The following PTTG1 variants were observed in gnomAD, a reference collection of about 807,000 sequenced individuals.
PTTG1 encodes PTTG1 regulator of sister chromatid separation, securin, also known as securin.
Under a neutral mutation model 20.0 loss-of-function variants are expected in PTTG1, and 8 were observed. The observed-to-expected ratio is 0.40, with a 90% CI of 0.23 to 0.72. PTTG1 has a LOEUF of 0.72. Among genes scored for constraint, PTTG1 ranks in the 30% least tolerant of loss-of-function variants. The pLI is 0.38. For missense variants in PTTG1, 197 were observed against 236.0 expected (o/e 0.83, Z 1.08); for synonymous variants, 79 against 87.2 (o/e 0.91, Z 0.52).
At position 160,424,349 on chromosome 5, in the gene PTTG1, G is replaced by T; in HGVS notation, c.370+19G>T. ...CCTCTAGGTAGTATCTTTTGCAATTGCGAAAAGTGCTTTTGGCCTTTAGTT... is the reference window on the plus strand; with the variant it reads ...CCTCTAGGTAGTATCTTTTGCAATTTCGAAAAGTGCTTTTGGCCTTTAGTT... On this transcript the variant is annotated intron_variant, in intron 4 of 5. Transcript: ENST00000352433. 1 of 1,534,468 alleles carries T rather than the reference G, an allele frequency of 6.5e-7. No individual in the cohort carries two copies. The highest frequency in any genetic ancestry group is 9.0e-7 in the Non-Finnish European group (1 of 1,114,506).
At chr5:160,428,497 C>T in intron 5 of PTTG1, 105 bp from the exon 6 acceptor site, 2 of 1,033,308 alleles carry the variant, frequency 1.9e-6, no homozygotes, top group Non-Finnish European at 3.0e-6. Context: ...ATTGATTTGA[C>T]AAAGGGAAAA....
chr5:160,422,250 C>T (rs779494104), intron 1 of PTTG1, 52 bp from the exon 2 acceptor site: 38 of 1,353,602 alleles, frequency 2.8e-5, no homozygotes, highest in Non-Finnish European at 3.8e-5. Context: ...TGTTGCTATA[C>T]CTTTGCTTCT....
chr5:160,426,754 C>G (rs1013596443), intron 4 of PTTG1, among the ~76,000 whole-genome samples: 8 of 152,066 alleles, frequency 5.3e-5, no homozygotes, highest in African/African-American at 1.9e-4. Flanking sequence ...TCCAAAATTC[C>G]TTTTTTTGGC....
chr5:160,428,568 G>C lies in PTTG1; in HGVS notation c.530-34G>C, dbSNP rs1488238356. ...GATATGGACAATGACTCAAGGATTTGCAGAAATTTTAATAAGAGATTCCTG... is the reference window on the plus strand; with the variant it reads ...GATATGGACAATGACTCAAGGATTTCCAGAAATTTTAATAAGAGATTCCTG... On this transcript the variant is annotated intron_variant, in intron 5 of 5. Coordinates refer to ENST00000352433, the MANE Select transcript of PTTG1 (RefSeq NM_004219.4). The C allele has an allele frequency of 1.9e-6, 3 of 1,576,044 alleles. No homozygotes were observed. In the South Asian group the frequency reaches 3.3e-5, roughly 17 times the overall value.
chr5:160,427,931 C>A, intron 5 of PTTG1, 58 bp downstream of exon 5: 1 of 1,602,164 alleles, frequency 6.2e-7, no homozygotes, highest in Non-Finnish European at 8.5e-7. Flanking sequence ...ATAACACTTC[C>A]ATTACCATGG....
At chr5:160,422,660 A>G (rs1470914520) in intron 2 of PTTG1, 49 bp from the exon 3 acceptor site, 1 of 1,594,746 alleles carries the variant, frequency 6.3e-7, no homozygotes, top group Non-Finnish European at 8.6e-7. Context: ...TTTAAGTTGT[A>G]CAGGTATTTT....
chr5:160,427,621 T>G, intron 4 of PTTG1, 94 bp from the exon 5 acceptor site: 1 of 1,372,408 alleles, frequency 7.3e-7, no homozygotes, highest in Non-Finnish European at 1.0e-6. Context: ...AGTTTTGACC[T>G]CATGGACCCC....
rs1765745851 is a variant in PTTG1 at position 160,423,034 on chromosome 5, C to A, written c.276+141C>A. 12 of 817,126 alleles carry A rather than the reference C, an allele frequency of 1.5e-5. No individual in the cohort carries two copies. The East Asian group carries it at 3.2e-4, about 22-fold the overall frequency. The allele number at this position is 817,126 out of a possible 1,614,324, so 50.6% of individuals were successfully genotyped here. A position where few individuals can be genotyped will look rare whatever the true frequency, so the allele number is the denominator to read the frequency against. ...TTAGCAAGCAGAGTAGTGGAGGAGA[C>A]TCAGATTGTCCTTGTGGACTTCTTG... On this transcript the variant is annotated intron_variant, in intron 3 of 5. Transcript: ENST00000352433.
Position 160,422,408 on chromosome 5 carries a change from G to C in PTTG1, c.91+5G>C, listed in dbSNP as rs772653034. The C allele has an allele frequency of 5.0e-6, 8 of 1,609,362 alleles. No individual in the cohort carries two copies. Among genetic ancestry groups the C allele is most frequent in the South Asian group, 1.1e-5 (1 of 90,966 alleles). ...TGAAGCTGGGGTCTGGACCTTGTAAGTATACAAGGCTGCAGTCGGATACAC... is the reference window on the plus strand; with the variant it reads ...TGAAGCTGGGGTCTGGACCTTGTAACTATACAAGGCTGCAGTCGGATACAC... On this transcript the variant is annotated splice_donor_5th_base_variant and intron_variant, in intron 2 of 5. Coordinates refer to ENST00000352433, the MANE Select transcript of PTTG1 (RefSeq NM_004219.4).
rs1312930651 is a variant in PTTG1 at position 160,422,291 on chromosome 5, C to G, written c.-11-11C>G. ...CTTCCCCAATATCTAATATGTATTTCTCATTCTTAGAATAATCCAGAATGG... is the reference window on the plus strand; with the variant it reads ...CTTCCCCAATATCTAATATGTATTTGTCATTCTTAGAATAATCCAGAATGG... On this transcript the variant is annotated splice_polypyrimidine_tract_variant and intron_variant, in intron 1 of 5. Coordinates refer to ENST00000352433, the MANE Select transcript of PTTG1 (RefSeq NM_004219.4). 1.3e-6 allele frequency: 2 copies of G among 1,587,744 alleles called. No homozygotes were observed. Among genetic ancestry groups the G allele is most frequent in the Admixed American group, 1.7e-5 (1 of 59,992 alleles).
chr5:160,428,740 T>A, downstream of PTTG1: 1 of 1,476,244 alleles, frequency 6.8e-7, no homozygotes, highest in Non-Finnish European at 9.4e-7. Flanking sequence ...CTTTAACAGA[T>A]TCTTCCTAGT....
intron 4 of PTTG1, among the ~76,000 whole-genome samples, chr5:160,425,269 A>G (rs1278043228): frequency 6.6e-6 from 1 of 152,202 alleles, no homozygotes; most frequent in Non-Finnish European, 1.5e-5. Context: ...CTGGAGGGAA[A>G]CTTTGAGAAG....
At chr5:160,427,950 G>T in intron 5 of PTTG1, 77 bp downstream of exon 5, 1 of 1,543,442 alleles carries the variant, frequency 6.5e-7, no homozygotes, top group South Asian at 1.2e-5. Flanking sequence ...GGGAAGAGTT[G>T]TGCGGGAGGT....
chr5:160,422,830 A>G lies in PTTG1; in HGVS notation c.213A>G (p.Thr71=). Residue 71 remains threonine, a synonymous_variant, in exon 3 of 6, where the codon ACA becomes ACG. Transcript: ENST00000352433. The part of the protein sequence containing the change: ...RKALGTVNRA[T]EKSVKTKGPL... ...CTTTGGGAACTGTCAACAGAGCTAC[A>G]GAAAAGTCTGTAAAGACCAAGGGAC... is the stretch of plus-strand genomic sequence containing the variant. The G allele has an allele frequency of 6.2e-7, 1 of 1,614,240 alleles. No homozygotes were observed. The highest frequency in any genetic ancestry group is 1.1e-5 in the South Asian group (1 of 91,088).
At chr5:160,423,640 A>G (rs932866174) in intron 3 of PTTG1, among the ~76,000 whole-genome samples, 2 of 152,238 alleles carry the variant, frequency 1.3e-5, no homozygotes, top group African/African-American at 2.4e-5. Flanking sequence ...AGAACCCCAT[A>G]GGGAATTCTA....
At chr5:160,425,810 G>C (rs929691960) in intron 4 of PTTG1, among the ~76,000 whole-genome samples, 1 of 152,020 alleles carries the variant, frequency 6.6e-6, no homozygotes, top group African/African-American at 2.4e-5. Flanking sequence ...TTGACTTCTG[G>C]GTTTTACCAG....
Position 160,428,733 on chromosome 5 carries a change from T to G in PTTG1, c.*52T>G. Reference sequence around the variant, plus strand: ...GTATTTGTATTAATAAAGCATTCTTTAACAGATTCTTCCTAGTATTGTGGT... The same window carrying G: ...GTATTTGTATTAATAAAGCATTCTTGAACAGATTCTTCCTAGTATTGTGGT... On this transcript the variant is annotated 3_prime_UTR_variant, in exon 6 of 6. Coordinates refer to ENST00000352433, the MANE Select transcript of PTTG1 (RefSeq NM_004219.4). 3 of 1,502,666 alleles carry G rather than the reference T, an allele frequency of 2.0e-6. No individual in the cohort carries two copies. The highest frequency in any genetic ancestry group is 2.8e-6 in the Non-Finnish European group (3 of 1,081,588). The allele number at this position is 1,502,666 out of a possible 1,614,324, so 93.1% of individuals were successfully genotyped here. A position where few individuals can be genotyped will look rare whatever the true frequency, so the allele number is the denominator to read the frequency against.
chr5:160,422,151 A>G (rs1765723443), intron 1 of PTTG1, 151 bp from the exon 2 acceptor site: 1 of 614,692 alleles, frequency 1.6e-6, no homozygotes, highest in Non-Finnish European at 2.9e-6. Flanking sequence ...TGAGAGCTGG[A>G]TTAAGTACTT....
chr5:160,427,941 G>C, intron 5 of PTTG1, 68 bp downstream of exon 5: 1 of 1,590,630 alleles, frequency 6.3e-7, no homozygotes. Flanking sequence ...CATTACCATG[G>C]GAAGAGTTGT....
Sources: gnomAD v4.1 joint callset for allele counts (sites outside exome capture counted in the v4.1 genomes callset) on GRCh38, gnomAD v4.1.1 for gene constraint, MANE v1.5 for transcripts, NCBI Gene and HGNC (gene_info 2026-07-23, HGNC 2026-07-21) for gene names.